The following COL9A2 variants were observed in gnomAD, a reference collection of about 807,000 sequenced individuals.
COL9A2 encodes collagen type IX alpha 2 chain, also known as collagen alpha-2(IX) chain.
COL9A2 carries 66 observed loss-of-function variants against 111.6 expected under a neutral mutation model. The ratio of observed to expected loss-of-function variants is 0.59; its 90% CI spans 0.48 to 0.73. COL9A2 has a LOEUF of 0.73. Among genes scored for constraint, COL9A2 ranks in the 30% least tolerant of loss-of-function variants. COL9A2 has a pLI of 0.00. For synonymous variants in COL9A2, 353 were observed against 364.1 expected (o/e 0.97, Z 0.35); for missense variants, 881 against 954.1 (o/e 0.92, Z 1.01).
chr1:40,306,844 AT>A (rs751057593), intron 19 of COL9A2, among the ~76,000 whole-genome samples: 24,968 of 134,110 alleles, frequency 0.19, 2,017 homozygotes, highest in East Asian at 0.34. Context: ...CTCAATAACT[AT>A]TTTTTTTTTT....
At position 40,312,432 on chromosome 1, in the gene COL9A2, C is replaced by G; in HGVS notation, c.363+24G>C. On this transcript the variant is annotated intron_variant, in intron 7 of 31. Transcript: ENST00000372748. The surrounding 1 kb of genome is among the most constrained non-coding windows in gnomAD (Gnocchi z 6.0). The stretch of plus-strand genomic sequence containing the variant: ...CTCCTTCCCTGGGAGTTCTGGGGAT[C>G]CTGCCCCATCCCTGAGGACTTACAG... 6.2e-7 allele frequency: 1 copy of G among 1,612,120 alleles called. No homozygotes were observed. The highest frequency in any genetic ancestry group is 1.3e-5 in the African/African-American group (1 of 74,890).
chr1:40,309,087 C>A (rs531404946), intron 16 of COL9A2, among the ~76,000 whole-genome samples: 83 of 152,136 alleles, frequency 5.5e-4, no homozygotes, highest in Middle Eastern at 6.8e-3. Flanking sequence ...ACTAAAAATA[C>A]AAAATTAGCT....
At position 40,303,330 on chromosome 1, in the gene COL9A2, G is replaced by T; in HGVS notation, c.1549-145C>A. On this transcript the variant is annotated intron_variant, in intron 28 of 31. Transcript: ENST00000372748. The surrounding 1 kb of genome is among the most constrained non-coding windows in gnomAD (Gnocchi z 4.6). ...AAGCTGAGGAACAGATTGTACCTGG[G>T]CAGGGCCAAGGGCTTACTTGGGAAG... The T allele has an allele frequency of 1.8e-6, 2 of 1,137,528 alleles. No individual in the cohort carries two copies. The highest frequency in any genetic ancestry group is 2.6e-6 in the Non-Finnish European group (2 of 780,244). The allele number at this position is 1,137,528 out of a possible 1,614,324, so 70.5% of individuals were successfully genotyped here. A position where few individuals can be genotyped will look rare whatever the true frequency, so the allele number is the denominator to read the frequency against.
At position 40,310,611 on chromosome 1, in the gene COL9A2, C is replaced by T; in HGVS notation, c.684+103G>A. The T allele has an allele frequency of 1.9e-6, 2 of 1,074,836 alleles. No individual in the cohort carries two copies. Among genetic ancestry groups the T allele is most frequent in the South Asian group, 1.3e-5 (1 of 74,230 alleles). The allele number at this position is 1,074,836 out of a possible 1,614,324, so 66.6% of individuals were successfully genotyped here. ...ATCCAGAGATGCTCCCAGCTAGACA[C>T]AGGTGTCTCTTTTACAAGCTAGAGG... On this transcript the variant is annotated intron_variant, in intron 13 of 31. Transcript: ENST00000372748. The surrounding 1 kb of genome is among the most constrained non-coding windows in gnomAD (Gnocchi z 4.9).
chr1:40,311,011 G>T lies in COL9A2; in HGVS notation c.630+82C>A. On this transcript the variant is annotated intron_variant, in intron 12 of 31. Coordinates refer to ENST00000372748, the MANE Select transcript of COL9A2 (RefSeq NM_001852.4). This position sits in a 1 kb window ranked among gnomAD's most constrained non-coding sequence, Gnocchi z 5.1. ...TGTCCCCAGAACCCACAGGGGAAGG[G>T]GAAGGGACGAAGAAGGGGACAGAGC... The T allele has an allele frequency of 6.4e-7, 1 of 1,565,706 alleles. No homozygotes were observed. Among genetic ancestry groups the T allele is most frequent in the Non-Finnish European group, 8.8e-7 (1 of 1,136,292 alleles).
rs117337557 is a variant in COL9A2, at chr1:40,302,519, G to A, written c.1792+102C>T. 0.019 allele frequency: 25,269 copies of A among 1,331,130 alleles called. 480 individuals are homozygous for A. The highest frequency in any genetic ancestry group is 0.075 in the South Asian group (5,973 of 79,304). The allele number at this position is 1,331,130 out of a possible 1,614,324, so 82.5% of individuals were successfully genotyped here. A position where few individuals can be genotyped will look rare whatever the true frequency, so the allele number is the denominator to read the frequency against. On this transcript the variant is annotated intron_variant, in intron 30 of 31. Transcript: ENST00000372748. The surrounding 1 kb of genome is among the most constrained non-coding windows in gnomAD (Gnocchi z 4.5). ...CCTGGACCATGTGGCTGAGGAACCG[G>A]GGAAGGGTCTGTATGTCATCCTGAG...
At position 40,304,753 on chromosome 1, in the gene COL9A2, G is replaced by A. The variant is rs72944910; in HGVS notation, c.1161+41C>T. On this transcript the variant is annotated intron_variant, in intron 22 of 31. Transcript: ENST00000372748. ...GCTGTATCCAGCAGTGCCAGCTGCCGCAGAGGCCCCCGGGGAGGGGCCATT... is the reference window on the plus strand; with the variant it reads ...GCTGTATCCAGCAGTGCCAGCTGCCACAGAGGCCCCCGGGGAGGGGCCATT... The A allele has an allele frequency of 0.065, 99,837 of 1,526,022 alleles. 5,030 individuals are homozygous for A. The highest frequency in any genetic ancestry group is 0.22 in the African/African-American group (16,271 of 72,652). The allele number at this position is 1,526,022 out of a possible 1,614,324, so 94.5% of individuals were successfully genotyped here. A position where few individuals can be genotyped will look rare whatever the true frequency, so the allele number is the denominator to read the frequency against.
At position 40,312,556 on chromosome 1, in the gene COL9A2, C is replaced by T. The variant is rs752136541; in HGVS notation, c.339+18G>A. ...TCTCCCCCAAGAGTCCCTCGAAGCC[C>T]TTGCAGGTTGTACTCACCGGAAGGC... On this transcript the variant is annotated intron_variant, in intron 6 of 31. Coordinates refer to ENST00000372748, the MANE Select transcript of COL9A2 (RefSeq NM_001852.4). This position sits in a 1 kb window ranked among gnomAD's most constrained non-coding sequence, Gnocchi z 6.0. 1.9e-6 allele frequency: 3 copies of T among 1,614,130 alleles called. No homozygotes were observed. Among genetic ancestry groups the T allele is most frequent in the East Asian group, 2.2e-5 (1 of 44,876 alleles).
intron 16 of COL9A2, among the ~76,000 whole-genome samples, chr1:40,309,585 G>A (rs1644084145): frequency 6.8e-6 from 1 of 147,856 alleles, no homozygotes; most frequent in African/African-American, 2.6e-5. Context: ...GGCTGACTGG[G>A]CTCTTGGCAC....
At position 40,302,940 on chromosome 1, in the gene COL9A2, G is replaced by A. The variant is rs11803848; in HGVS notation, c.1604-131C>T. On this transcript the variant is annotated intron_variant, in intron 29 of 31. Transcript: ENST00000372748. The surrounding 1 kb of genome is among the most constrained non-coding windows in gnomAD (Gnocchi z 4.5). The stretch of plus-strand genomic sequence containing the variant: ...CAGACAGAAAAGCACCACCTTCCGT[G>A]GGCTCTGTTTTGCGGAAGTCAAAGG... 4.5e-4 allele frequency: 517 copies of A among 1,144,480 alleles called. 2 individuals are homozygous for A. The African/African-American group carries it at 7.1e-3, about 16-fold the overall frequency. The allele number at this position is 1,144,480 out of a possible 1,614,324, so 70.9% of individuals were successfully genotyped here.
chr1:40,315,361 C>T, intron 2 of COL9A2: 1 of 1,375,928 alleles, frequency 7.3e-7, no homozygotes, highest in Non-Finnish European at 9.4e-7. Flanking sequence ...GCGGACTGAA[C>T]AGCAGCTCCT....
At chr1:40,304,157 C>T (rs1557793880) in intron 24 of COL9A2, 58 bp from the exon 25 acceptor site, 2 of 1,521,042 alleles carry the variant, frequency 1.3e-6, no homozygotes, top group Non-Finnish European at 1.8e-6. Context: ...GGGTCCCCCA[C>T]CTAACTTTCG....
At position 40,303,708 on chromosome 1, in the gene COL9A2, G is replaced by A. The variant is rs1643955687; in HGVS notation, c.1402-32C>T. 1.9e-6 allele frequency: 3 copies of A among 1,548,436 alleles called. No homozygotes were observed. Among genetic ancestry groups the A allele is most frequent in the Non-Finnish European group, 2.6e-6 (3 of 1,146,446 alleles). On this transcript the variant is annotated intron_variant, in intron 27 of 31. Transcript: ENST00000372748. The surrounding 1 kb of genome is among the most constrained non-coding windows in gnomAD (Gnocchi z 4.6). ...GGGGATGGGGGTGGGAGCAGAGCCG[G>A]GTGAGAAGGCGCCCGGGTGGGCGAG...
Position 40,302,945 on chromosome 1 carries a change from C to CA in COL9A2, c.1604-137_1604-136insT. On this transcript the variant is annotated intron_variant, in intron 29 of 31. Transcript: ENST00000372748. This position sits in a 1 kb window ranked among gnomAD's most constrained non-coding sequence, Gnocchi z 4.5. ...AGAAAAGCACCACCTTCCGTGGGCT[C>CA]TGTTTTGCGGAAGTCAAAGGCCCAG... The CA allele has an allele frequency of 1.8e-6, 2 of 1,138,946 alleles. No individual in the cohort carries two copies. Among genetic ancestry groups the CA allele is most frequent in the Non-Finnish European group, 2.5e-6 (2 of 787,916 alleles). 70.6% of individuals were successfully genotyped at this position (1,138,946 alleles called of 1,614,324 possible). A position where few individuals can be genotyped will look rare whatever the true frequency, so the allele number is the denominator to read the frequency against.
intron 20 of COL9A2, 149 bp from the exon 21 acceptor site, chr1:40,305,917 T>A: frequency 1.2e-6 from 1 of 844,738 alleles, no homozygotes; most frequent in Non-Finnish European, 2.0e-6. Context: ...TGGCTCCTGA[T>A]TTTCCTGTTT....
chr1:40,307,561 AC>A lies in COL9A2; in HGVS notation c.955-63del. 1 of 1,597,992 alleles carries A rather than the reference AC, an allele frequency of 6.3e-7. No individual in the cohort carries two copies. Among genetic ancestry groups the A allele is most frequent in the Non-Finnish European group, 8.6e-7 (1 of 1,167,108 alleles). ...CTCCAGCCAGAGGGCCATGGCTTCTACCCAGATGCAGGTAGGGAAACTGAGA... is the reference window on the plus strand; with the variant it reads ...CTCCAGCCAGAGGGCCATGGCTTCTACCAGATGCAGGTAGGGAAACTGAGA... On this transcript the variant is annotated intron_variant, in intron 18 of 31. Transcript: ENST00000372748. The surrounding 1 kb of genome is among the most constrained non-coding windows in gnomAD (Gnocchi z 4.8).
intron 2 of COL9A2, among the ~76,000 whole-genome samples, chr1:40,315,045 G>T (rs542741017): frequency 3.3e-5 from 5 of 152,252 alleles, no homozygotes; most frequent in African/African-American, 1.2e-4. Flanking sequence ...GGGGCACCAG[G>T]TTGAATAGAA....
chr1:40,302,994 A>C lies in COL9A2; in HGVS notation c.1603+137T>G. 2 of 1,111,502 alleles carry C rather than the reference A, an allele frequency of 1.8e-6. No individual in the cohort carries two copies. The highest frequency in any genetic ancestry group is 1.3e-6 in the Non-Finnish European group (1 of 756,130). The allele number at this position is 1,111,502 out of a possible 1,614,324, so 68.9% of individuals were successfully genotyped here. A position where few individuals can be genotyped will look rare whatever the true frequency, so the allele number is the denominator to read the frequency against. On this transcript the variant is annotated intron_variant, in intron 29 of 31. Transcript: ENST00000372748. This position sits in a 1 kb window ranked among gnomAD's most constrained non-coding sequence, Gnocchi z 4.5. ...AGAGTGACTTATTCAAGGTCCCAAAACCCTTCAGAGACTGGACTGGAAGGA... is the reference window on the plus strand; with the variant it reads ...AGAGTGACTTATTCAAGGTCCCAAACCCCTTCAGAGACTGGACTGGAAGGA...
chr1:40,310,041 C>T lies in COL9A2; in HGVS notation c.793-50G>A, dbSNP rs899665430. The T allele has an allele frequency of 7.4e-6, 12 of 1,613,708 alleles. No individual in the cohort carries two copies. The highest frequency in any genetic ancestry group is 1.0e-5 in the Non-Finnish European group (12 of 1,179,590). ...CCAGGTCACACAGGCTCAGGGGGAG[C>T]CATGCCCACTCTGTGGCTGTAGCTG... On this transcript the variant is annotated intron_variant, in intron 15 of 31. Transcript: ENST00000372748. This position sits in a 1 kb window ranked among gnomAD's most constrained non-coding sequence, Gnocchi z 4.9.
Sources: gnomAD v4.1 joint callset for allele counts (sites outside exome capture counted in the v4.1 genomes callset) on GRCh38, gnomAD v4.1.1 for gene constraint, Gnocchi (gnomAD v3.1) non-coding constraint, MANE v1.5 for transcripts, NCBI Gene and HGNC (gene_info 2026-07-23, HGNC 2026-07-21) for gene names.